NELFA: variants seen among roughly 807,000 people sequenced by gnomAD.
NELFA encodes negative elongation factor complex member A.
A neutral mutation model predicts 51.8 loss-of-function variants in NELFA; 35 were observed. The ratio of observed to expected loss-of-function variants is 0.68; its 90% CI spans 0.52 to 0.90. NELFA has a LOEUF of 0.90. Ranked by LOEUF, NELFA falls within the 40% of genes least tolerant of loss-of-function variation. The pLI is 0.00. For missense variants in NELFA, 658 were observed against 746.4 expected (o/e 0.88, Z 1.38); for synonymous variants, 417 against 338.4 (o/e 1.23, Z -2.55).
intron 1 of NELFA, among the ~76,000 whole-genome samples, chr4:2,002,712 C>T (rs1243291569): frequency 6.6e-6 from 1 of 152,182 alleles, no homozygotes; most frequent in African/African-American, 2.4e-5. Context: ...CTCTTCCTTA[C>T]ACCTCATACA....
At chr4:2,006,768 CAAAAAAAAAAAA>C (rs57055347) in intron 1 of NELFA, among the ~76,000 whole-genome samples, 1 of 79,756 alleles carries the variant, frequency 1.3e-5, no homozygotes, top group South Asian at 4.8e-4. Flanking sequence ...GACGCTGTCT[CAAAAAAAAAAAA>C]AAAAAAAAAA....
At chr4:1,999,853 G>A (rs1728526842) in intron 1 of NELFA, among the ~76,000 whole-genome samples, 2 of 152,104 alleles carry the variant, frequency 1.3e-5, no homozygotes, top group South Asian at 4.1e-4. Context: ...AGTGCTACGT[G>A]GCACTTACTC....
intron 1 of NELFA, among the ~76,000 whole-genome samples, chr4:1,993,141 G>A (rs1728324190): frequency 6.6e-6 from 1 of 152,236 alleles, no homozygotes; most frequent in Non-Finnish European, 1.5e-5. Flanking sequence ...AGAGGCAAGC[G>A]CGCGGCATTT....
intron 1 of NELFA, 68 bp downstream of exon 1, chr4:2,008,682 T>C (rs1397973791): frequency 1.3e-5 from 20 of 1,518,300 alleles, no homozygotes; most frequent in Admixed American, 2.0e-5. Context: ...GGGTCCGGAG[T>C]TGGGTGTGCG....
At chr4:1,985,002 C>T in intron 7 of NELFA, 83 bp from the exon 8 acceptor site, 2 of 988,826 alleles carry the variant, frequency 2.0e-6, no homozygotes, top group Non-Finnish European at 3.0e-6. Flanking sequence ...CGGAGCTCCA[C>T]TGCCACAGGC....
chr4:1,994,506 G>A (rs1381727153), intron 1 of NELFA, among the ~76,000 whole-genome samples: 7 of 151,504 alleles, frequency 4.6e-5, no homozygotes, highest in African/African-American at 1.7e-4. Context: ...CAGAGATTCT[G>A]GTGAGCCAAG....
intron 1 of NELFA, among the ~76,000 whole-genome samples, chr4:2,004,809 C>CTTT (rs760686190): frequency 1.7e-5 from 2 of 119,562 alleles, no homozygotes; most frequent in African/African-American, 3.2e-5. Context: ...TTTAATAAAG[C>CTTT]TTTTTTTTTT....
At chr4:2,008,167 C>A (rs943400216) in intron 1 of NELFA, 60 of 392,376 alleles carry the variant, frequency 1.5e-4, no homozygotes, top group Admixed American at 2.5e-4. Flanking sequence ...GTCACCAGGG[C>A]TGCGTCCCCG....
Position 1,983,247 on chromosome 4 carries a change from G to A in NELFA, c.*72C>T. The stretch of plus-strand genomic sequence containing the variant: ...TCGGGGGCCAGGTGTCCGCCATCCG[G>A]TTACTTTAAGCTGGCAAAGCCATCG... On this transcript the variant is annotated 3_prime_UTR_variant, in exon 11 of 11. Coordinates refer to ENST00000382882, the MANE Select transcript of NELFA (RefSeq NM_005663.5). The A allele has an allele frequency of 6.7e-7, 1 of 1,494,544 alleles. No homozygotes were observed. The highest frequency in any genetic ancestry group is 9.1e-7 in the Non-Finnish European group (1 of 1,101,010). The allele number at this position is 1,494,544 out of a possible 1,614,324, so 92.6% of individuals were successfully genotyped here.
chr4:1,983,422 T>C lies in NELFA; in HGVS notation c.1484A>G (p.Gln495Arg). The change falls in exon 11 of 11, where the codon CAG (glutamine) becomes CGG (arginine). Residue 495 changes from glutamine to arginine, a missense_variant. Physicochemically the swap from Gln to Arg is conservative, Grantham distance 43. This residue lies in a region of NELFA where 87 missense variants were observed against 130.2 expected (regional missense o/e 0.67). Coordinates refer to ENST00000382882, the MANE Select transcript of NELFA (RefSeq NM_005663.5). ...HTEDLPKADG[Q>R]GSTTMLVDTV... ...GTCCACCAGCATGGTTGTGCTACCC[T>C]GGCCGTCCGCCTTGGGCAGGTCCTC... 1.2e-6 allele frequency: 2 copies of C among 1,614,240 alleles called. No homozygotes were observed. Among genetic ancestry groups the C allele is most frequent in the Non-Finnish European group, 1.7e-6 (2 of 1,180,036 alleles).
At chr4:2,001,611 A>G (rs917537939) in intron 1 of NELFA, among the ~76,000 whole-genome samples, 5 of 152,244 alleles carry the variant, frequency 3.3e-5, no homozygotes, top group African/African-American at 9.6e-5. Context: ...GTTGAAGAAA[A>G]TAAGAGAGGG....
intron 3 of NELFA, 147 bp from the exon 4 acceptor site, chr4:1,988,154 C>G: frequency 1.5e-6 from 1 of 660,318 alleles, no homozygotes; most frequent in Non-Finnish European, 2.5e-6. Context: ...CCGAGCCGGG[C>G]CTGACACCAG....
intron 1 of NELFA, among the ~76,000 whole-genome samples, chr4:2,002,181 CA>C (rs1303911943): frequency 6.6e-6 from 1 of 151,638 alleles, no homozygotes; most frequent in Non-Finnish European, 1.5e-5. Flanking sequence ...GCCTGGGCGA[CA>C]AAGCGAGACT....
At chr4:1,990,603 G>A (rs1577618327) in intron 2 of NELFA, 3 of 441,986 alleles carry the variant, frequency 6.8e-6, no homozygotes, top group East Asian at 1.4e-4. Flanking sequence ...GGGGTGGCCA[G>A]CAGGGCCCCT....
At chr4:1,993,821 G>C (rs1728351050) in intron 1 of NELFA, among the ~76,000 whole-genome samples, 1 of 136,880 alleles carries the variant, frequency 7.3e-6, no homozygotes, top group Non-Finnish European at 1.5e-5. Context: ...TTTTGAGACA[G>C]AGTCTCGCTG....
intron 1 of NELFA, among the ~76,000 whole-genome samples, chr4:2,005,998 A>T (rs1300311930): frequency 2.0e-5 from 3 of 152,194 alleles, no homozygotes; most frequent in African/African-American, 7.2e-5. Context: ...GTAAGTATAT[A>T]AGATACATGT....
chr4:1,998,168 C>T (rs1728482901), intron 1 of NELFA, among the ~76,000 whole-genome samples: 1 of 152,092 alleles, frequency 6.6e-6, no homozygotes, highest in Non-Finnish European at 1.5e-5. Flanking sequence ...TGAAACTAGA[C>T]AAACTCACGA....
At chr4:2,007,837 G>A (rs979902316) in intron 1 of NELFA, 8 of 380,366 alleles carry the variant, frequency 2.1e-5, no homozygotes, top group Non-Finnish European at 3.6e-5. Flanking sequence ...ACCTATAATA[G>A]CTAATAATAC....
At chr4:1,996,913 C>G (rs1178306530) in intron 1 of NELFA, among the ~76,000 whole-genome samples, 1 of 151,966 alleles carries the variant, frequency 6.6e-6, no homozygotes, top group East Asian at 1.9e-4. Flanking sequence ...GCCTCGATGA[C>G]AGAAGGGTAT....
Sources: allele counts gnomAD v4.1 joint callset (sites outside exome capture counted in the v4.1 genomes callset), GRCh38; gene constraint gnomAD v4.1.1; regional missense constraint gnomAD v4.1.1; transcripts MANE v1.5; gene names NCBI Gene and HGNC (gene_info 2026-07-23, HGNC 2026-07-21).